Variants in PDK1 observed in about 807,000 individuals in gnomAD.
PDK1 encodes the protein [Pyruvate dehydrogenase (acetyl-transferring)] kinase isozyme 1, mitochondrial.
In PDK1, 39 loss-of-function variants were observed where a neutral mutation model predicts 54.2. That is an observed-to-expected ratio of 0.72 (90% CI 0.56 to 0.94). PDK1 has a LOEUF of 0.94. Ranked by LOEUF, PDK1 falls within the 40% of genes least tolerant of loss-of-function variation. The probability of loss-of-function intolerance (pLI) is 0.00; values close to 1 mark genes in which losing one functional copy is unlikely to be tolerated. For synonymous variants in PDK1, 221 were observed against 207.1 expected (o/e 1.07, Z -0.58); for missense variants, 552 against 566.0 (o/e 0.98, Z 0.25).
intron 10 of PDK1, 81 bp downstream of exon 10, chr2:172,593,129 ACT>A (rs763385264): frequency 1.4e-6 from 1 of 726,424 alleles, no homozygotes; most frequent in Non-Finnish European, 2.4e-6. Flanking sequence ...ATGAAATTTA[ACT>A]CTACCACATG....
the PDK1 span, among the ~76,000 whole-genome samples, chr2:172,646,155 A>G: frequency 6.6e-6 from 1 of 152,248 alleles, no homozygotes; most frequent in Non-Finnish European, 1.5e-5. Flanking sequence ...TGCAAAATAG[A>G]TTAAGACACA....
chr2:172,610,589 A>G (rs140516412), downstream of PDK1, among the ~76,000 whole-genome samples: 145 of 152,238 alleles, frequency 9.5e-4, 1 homozygote, highest in African/African-American at 3.2e-3. Flanking sequence ...TCAATTTCCT[A>G]CATCAAATTA....
At chr2:172,570,845 G>GTT (rs758032161) in intron 8 of PDK1, 21 bp downstream of exon 8, 7 of 1,255,796 alleles carry the variant, frequency 5.6e-6, no homozygotes, top group South Asian at 4.3e-5. Flanking sequence ...TTAATGGTTT[G>GTT]TTTTCTTTTT....
At chr2:172,638,261 G>A in the PDK1 span, among the ~76,000 whole-genome samples, 5 of 152,174 alleles carry the variant, frequency 3.3e-5, no homozygotes, top group African/African-American at 1.2e-4. Context: ...TGAATGAAGT[G>A]TCTTAGGTGA....
chr2:172,699,725 G>A, the PDK1 span, among the ~76,000 whole-genome samples: 1 of 146,946 alleles, frequency 6.8e-6, no homozygotes, highest in East Asian at 3.1e-4. Context: ...AACTAAATGT[G>A]CTTTTTTTCT....
chr2:172,589,456 C>T (rs1369462845), intron 9 of PDK1, among the ~76,000 whole-genome samples: 3 of 152,138 alleles, frequency 2.0e-5, no homozygotes, highest in Non-Finnish European at 2.9e-5. Context: ...TCTCCAGGGG[C>T]CCGGCCTGCC....
chr2:172,584,311 T>C (rs1690085846), intron 8 of PDK1, among the ~76,000 whole-genome samples: 1 of 151,718 alleles, frequency 6.6e-6, no homozygotes, highest in African/African-American at 2.4e-5. Flanking sequence ...AAATTAGATA[T>C]CATTTCAGAC....
At chr2:172,632,632 C>T in the PDK1 span, among the ~76,000 whole-genome samples, 1 of 152,094 alleles carries the variant, frequency 6.6e-6, no homozygotes, top group Non-Finnish European at 1.5e-5. Flanking sequence ...TGGCAGTTGG[C>T]AGTGTTCCCT....
chr2:172,718,327 C>G, the PDK1 span, among the ~76,000 whole-genome samples: 1 of 151,914 alleles, frequency 6.6e-6, no homozygotes, highest in Non-Finnish European at 1.5e-5. Context: ...CTGGGGAAAT[C>G]CAAAATTATG....
At chr2:172,684,526 A>T in the PDK1 span, among the ~76,000 whole-genome samples, 1 of 152,228 alleles carries the variant, frequency 6.6e-6, no homozygotes, top group Non-Finnish European at 1.5e-5. Context: ...GTAGGTATTT[A>T]CAAGACCAGT....
the PDK1 span, among the ~76,000 whole-genome samples, chr2:172,698,959 G>A: frequency 1.3e-5 from 2 of 152,142 alleles, no homozygotes; most frequent in Admixed American, 6.5e-5. Flanking sequence ...GCAAAGGGGG[G>A]TGAGATTTAA....
chr2:172,621,872 GAT>G, the PDK1 span, among the ~76,000 whole-genome samples: 37 of 139,846 alleles, frequency 2.6e-4, no homozygotes, highest in East Asian at 1.0e-3. Context: ...TCATATGTAT[GAT>G]ATATGTTTAT....
the PDK1 span, among the ~76,000 whole-genome samples, chr2:172,654,163 T>C: frequency 6.6e-6 from 1 of 152,230 alleles, no homozygotes; most frequent in African/African-American, 2.4e-5. Flanking sequence ...GCTTTTACAC[T>C]GTTGGTGGGA....
At chr2:172,699,930 G>A in the PDK1 span, among the ~76,000 whole-genome samples, 11 of 152,056 alleles carry the variant, frequency 7.2e-5, no homozygotes, top group African/African-American at 2.7e-4. Context: ...GTGTCCCTGG[G>A]TACCTCAGAT....
rs770652941 is a variant in PDK1, at chr2:172,556,320, T to C, written c.170T>C (p.Leu57Pro). Residue 57 changes from leucine to proline, a missense_variant, in exon 1 of 11, where the codon CTC (leucine) becomes CCC (proline). Physicochemically the swap from Leu to Pro is moderately conservative, Grantham distance 98. Coordinates refer to ENST00000282077, the MANE Select transcript of PDK1 (RefSeq NM_002610.5). ...TACGCGCGCTTCTCGCCGTCCCCGC[T>C]CTCCATGAAGCAGTTCCTGGACTTC... ...DFYARFSPSP[L>P]SMKQFLDFGS... is the part of the protein sequence containing the mutation. The C allele has an allele frequency of 1.3e-6, 2 of 1,495,626 alleles. No homozygotes were observed. The highest frequency in any genetic ancestry group is 2.6e-5 in the Admixed American group (1 of 39,188). The allele number at this position is 1,495,626 out of a possible 1,614,324, so 92.6% of individuals were successfully genotyped here. A position where few individuals can be genotyped will look rare whatever the true frequency, so the allele number is the denominator to read the frequency against.
At chr2:172,624,318 G>A in the PDK1 span, among the ~76,000 whole-genome samples, 7,912 of 152,202 alleles carry the variant, frequency 0.052, 390 homozygotes, top group East Asian at 0.22. Context: ...TAAGGAACCC[G>A]GCTGCACAGC....
the PDK1 span, among the ~76,000 whole-genome samples, chr2:172,642,154 G>A: frequency 7.2e-5 from 11 of 152,240 alleles, no homozygotes; most frequent in South Asian, 1.5e-3. Context: ...AATACAGAGC[G>A]GAATGGAGCG....
chr2:172,580,304 A>G (rs1689834434), intron 8 of PDK1, among the ~76,000 whole-genome samples: 1 of 147,858 alleles, frequency 6.8e-6, no homozygotes, highest in African/African-American at 2.5e-5. Context: ...TGTGTCAGCT[A>G]CTTTCCCGTT....
At chr2:172,692,012 C>T in the PDK1 span, among the ~76,000 whole-genome samples, 2 of 152,172 alleles carry the variant, frequency 1.3e-5, no homozygotes, top group African/African-American at 4.8e-5. Flanking sequence ...CTGGATTTCT[C>T]CCCTTTGGCC....
Sources: allele counts gnomAD v4.1 joint callset (sites outside exome capture counted in the v4.1 genomes callset), GRCh38; gene constraint gnomAD v4.1.1; transcripts MANE v1.5; gene names NCBI Gene and HGNC (gene_info 2026-07-23, HGNC 2026-07-21).